ENOX2: variants seen among roughly 807,000 people sequenced by gnomAD.
The protein encoded by ENOX2 is APK1 antigen.
In ENOX2, 36 loss-of-function variants were observed where a neutral mutation model predicts 45.0. That is an observed-to-expected ratio of 0.80 (90% CI 0.61 to 1.06). ENOX2 has a LOEUF of 1.06. Ranked by LOEUF, ENOX2 falls within the 50% of genes least tolerant of loss-of-function variation. ENOX2 has a pLI of 0.00. For synonymous variants in ENOX2, 174 were observed against 152.3 expected (o/e 1.14, Z -1.05); for missense variants, 423 against 462.5 (o/e 0.91, Z 0.78).
At chrX:130,795,168 A>C (rs2077101765) in intron 2 of ENOX2, among the ~76,000 whole-genome samples, 2 of 112,299 alleles carry the variant, frequency 1.8e-5, no homozygotes, top group Admixed American at 1.9e-4. Context: ...AGCTTCCTGT[A>C]ATATGCTAAT....
intron 10 of ENOX2, among the ~76,000 whole-genome samples, chrX:130,648,294 C>T (rs940765736): frequency 1.8e-5 from 2 of 109,832 alleles, no homozygotes; most frequent in African/African-American, 3.3e-5. Flanking sequence ...CAAAATTAGC[C>T]GGGTATGGTG....
intron 2 of ENOX2, among the ~76,000 whole-genome samples, chrX:130,814,399 A>T (rs2077444937): frequency 8.9e-6 from 1 of 112,206 alleles, no homozygotes; most frequent in Non-Finnish European, 1.9e-5. Flanking sequence ...CTCTGCTAAG[A>T]GACAGACTGC....
chrX:130,886,223 T>C (rs1471742871), intron 2 of ENOX2, among the ~76,000 whole-genome samples: 2 of 112,562 alleles, frequency 1.8e-5, no homozygotes, highest in Non-Finnish European at 3.7e-5. Context: ...GTCCAATTAA[T>C]GAGGAGCGAA....
intron 7 of ENOX2, among the ~76,000 whole-genome samples, chrX:130,668,570 C>T (rs1385965608): frequency 8.9e-6 from 1 of 112,040 alleles, no homozygotes; most frequent in Non-Finnish European, 1.9e-5. Context: ...CCCAAGATAG[C>T]CACTTATGCC....
intron 2 of ENOX2, among the ~76,000 whole-genome samples, chrX:130,880,832 C>A (rs2078796008): frequency 8.9e-6 from 1 of 112,469 alleles, no homozygotes; most frequent in African/African-American, 3.2e-5. Flanking sequence ...ATGCAGAGTG[C>A]AGCTCGCATT....
chrX:130,669,907 T>C, intron 7 of ENOX2, 58 bp downstream of exon 7: 3 of 842,801 alleles, frequency 3.6e-6, no homozygotes, highest in Non-Finnish European at 5.3e-6. Flanking sequence ...ATTATATTTA[T>C]GACACTTCTC....
At position 130,821,823 on chromosome X, in the gene ENOX2, T is replaced by C. The variant is rs2077618213; in HGVS notation, c.-182-38133A>G. On this transcript the variant is annotated intron_variant, in intron 2 of 14. Transcript: ENST00000394363. ...GCTACTGCAGGTAATCCCAGCACTT[T>C]GGGAGGCCGAGGCAGGTGGATCACT... Among the ~76,000 whole-genome samples, 3 of 96,914 alleles carry C rather than the reference T, an allele frequency of 3.1e-5. No homozygotes were observed. The South Asian group carries it at 1.6e-3, about 52-fold the overall frequency. 84.2% of individuals were successfully genotyped at this position (96,914 alleles called of 115,157 possible).
chrX:130,739,369 G>A (rs2038929668), intron 3 of ENOX2, among the ~76,000 whole-genome samples: 1 of 112,033 alleles, frequency 8.9e-6, no homozygotes, highest in African/African-American at 3.2e-5. Context: ...TTTAAGGTAG[G>A]CTAGGCTAAG....
chrX:130,869,642 G>A (rs769605843), intron 2 of ENOX2, among the ~76,000 whole-genome samples: 1 of 112,047 alleles, frequency 8.9e-6, no homozygotes, highest in Non-Finnish European at 1.9e-5. Flanking sequence ...ATTGATCATT[G>A]GGAGGTCATT....
At chrX:130,724,840 C>A (rs1364424983) in intron 3 of ENOX2, among the ~76,000 whole-genome samples, 1 of 111,870 alleles carries the variant, frequency 8.9e-6, no homozygotes, top group Non-Finnish European at 1.9e-5. Flanking sequence ...TCAGGGTGGC[C>A]TGGGTGACAG....
Position 130,783,689 on chromosome X carries a change from T to C in ENOX2, c.-181A>G, listed in dbSNP as rs1041911281. 1 of 300,054 alleles carries C rather than the reference T, an allele frequency of 3.3e-6. No homozygotes were observed. The allele number at this position is 300,054 out of a possible 1,213,427, so 24.7% of individuals were successfully genotyped here. A position where few individuals can be genotyped will look rare whatever the true frequency, so the allele number is the denominator to read the frequency against. ...CAGGGTCAAAGGGCAGCTGGTTCAA[T>C]CCTAAAGAAGAAAAAGAAAGCCAAA... On this transcript the variant is annotated splice_region_variant and 5_prime_UTR_variant, in exon 3 of 15. Coordinates refer to ENST00000394363, the MANE Select transcript of ENOX2 (RefSeq NM_006375.4).
At chrX:130,707,259 G>A (rs764825935) in intron 3 of ENOX2, among the ~76,000 whole-genome samples, 1 of 111,800 alleles carries the variant, frequency 8.9e-6, no homozygotes, top group African/African-American at 3.3e-5. Flanking sequence ...TGTGTGACAA[G>A]TTCTCAAGAG....
chrX:130,776,122 T>C (rs940872514), intron 3 of ENOX2, among the ~76,000 whole-genome samples: 1 of 111,755 alleles, frequency 8.9e-6, no homozygotes. Context: ...ATTTGCTTTC[T>C]GCACTTTACT....
chrX:130,706,388 C>G (rs1450384762), intron 3 of ENOX2, among the ~76,000 whole-genome samples: 1 of 111,610 alleles, frequency 9.0e-6, no homozygotes, highest in African/African-American at 3.3e-5. Flanking sequence ...CCAGGGAAGC[C>G]TTCATTGGGA....
At chrX:130,884,259 TATAAAG>T (rs1443866945) in intron 2 of ENOX2, among the ~76,000 whole-genome samples, 11 of 112,534 alleles carry the variant, frequency 9.8e-5, no homozygotes, top group African/African-American at 2.9e-4. Context: ...CATGTTAAAA[TATAAAG>T]ATACCATCTT....
rs1569501494 is a variant in ENOX2, at chrX:130,783,643, G to T, written c.-135C>A. On this transcript the variant is annotated 5_prime_UTR_variant, in exon 3 of 15. Coordinates refer to ENST00000394363, the MANE Select transcript of ENOX2 (RefSeq NM_006375.4). The stretch of plus-strand genomic sequence containing the variant: ...AGAGGGCCACTGGCACTACCAAACT[G>T]CAGGGGCTCGTTGTTGTTAGCAGGG... 1 of 328,495 alleles carries T rather than the reference G, an allele frequency of 3.0e-6. No individual in the cohort carries two copies. The allele number at this position is 328,495 out of a possible 1,213,427, so 27.1% of individuals were successfully genotyped here. A position where few individuals can be genotyped will look rare whatever the true frequency, so the allele number is the denominator to read the frequency against.
At chrX:130,794,577 C>T (rs943419271) in intron 2 of ENOX2, among the ~76,000 whole-genome samples, 40 of 112,577 alleles carry the variant, frequency 3.6e-4, no homozygotes, top group African/African-American at 1.3e-3. Flanking sequence ...AAGTTGTAAA[C>T]AAGGTTCAGC....
In ENOX2 at chrX:130,816,034, T is replaced by C. The variant is rs747314916; in HGVS notation, c.-182-32344A>G. ...TGCAAAGACACACACAGGCTCAAAA[T>C]AAAGGGATGGAGGAATATTTACCAA... is the stretch of plus-strand genomic sequence containing the variant. On this transcript the variant is annotated intron_variant, in intron 2 of 14. Coordinates refer to ENST00000394363, the MANE Select transcript of ENOX2 (RefSeq NM_006375.4). Among the ~76,000 whole-genome samples the C allele has an allele frequency of 4.5e-3, 501 of 110,883 alleles. 4 individuals carry two copies. Among genetic ancestry groups the C allele is most frequent in the African/African-American group, 0.015 (467 of 30,463 alleles).
chrX:130,709,520 T>TC (rs1188275358), intron 3 of ENOX2, among the ~76,000 whole-genome samples: 1 of 107,268 alleles, frequency 9.3e-6, no homozygotes, highest in Non-Finnish European at 1.9e-5. Context: ...ATGCCTGTAG[T>TC]CCCAGCTACT....
Sources: allele counts gnomAD v4.1 joint callset (sites outside exome capture counted in the v4.1 genomes callset), GRCh38; gene constraint gnomAD v4.1.1; transcripts MANE v1.5; gene names NCBI Gene and HGNC (gene_info 2026-07-23, HGNC 2026-07-21).